Variants in SEC14L2 observed in about 807,000 individuals in gnomAD.
SEC14L2 encodes the protein SEC14 like lipid binding 2.
In SEC14L2, 50 loss-of-function variants were observed where a neutral mutation model predicts 56.9. That is an observed-to-expected ratio of 0.88 (90% CI 0.70 to 1.11). The LOEUF (loss-of-function observed/expected upper bound fraction) is 1.11. SEC14L2 is among the 50% of genes most tolerant of loss of function. The probability of loss-of-function intolerance (pLI) is 0.00; values close to 1 mark genes in which losing one functional copy is unlikely to be tolerated. For synonymous variants in SEC14L2, 179 were observed against 188.5 expected, an observed-to-expected ratio of 0.95 and a Z score of 0.41; for missense variants, 414 against 500.7, an observed-to-expected ratio of 0.83 and a Z score of 1.65.
intron 11 of SEC14L2, among the ~76,000 whole-genome samples, chr22:30,418,226 T>A (rs906931931): frequency 2.0e-5 from 3 of 152,090 alleles, no homozygotes; most frequent in African/African-American, 7.2e-5. Context: ...CCTTGAATTA[T>A]TTTTTTAATG....
In SEC14L2 at chr22:30,424,740, C is replaced by T. The variant is rs78503356; in HGVS notation, c.*2333C>T. The T allele has an allele frequency of 5.1e-3, 2,333 of 456,614 alleles. 46 individuals are homozygous for T. The highest frequency in any genetic ancestry group is 0.042 in the African/African-American group (2,090 of 50,138). The allele number at this position is 456,614 out of a possible 1,614,324, so 28.3% of individuals were successfully genotyped here. On this transcript the variant is annotated 3_prime_UTR_variant, in exon 12 of 12. Coordinates refer to ENST00000615189, the MANE Select transcript of SEC14L2 (RefSeq NM_012429.5). ...AGCTAGGATTTGAACCCAGGATTGT[C>T]TCCAACGCCGCTCAATTATACCCGC...
chr22:30,410,748 G>A (rs1934226556), intron 8 of SEC14L2, 69 bp downstream of exon 8: 2 of 1,450,502 alleles, frequency 1.4e-6, no homozygotes, highest in Non-Finnish European at 1.9e-6. Context: ...AGCTTTAGGG[G>A]TGTGGCCGTA....
intron 5 of SEC14L2, among the ~76,000 whole-genome samples, chr22:30,408,848 G>T (rs1253066842): frequency 1.3e-5 from 2 of 152,210 alleles, no homozygotes; most frequent in South Asian, 4.1e-4. Flanking sequence ...GTCTGTCCTC[G>T]GGCATAAGTG....
chr22:30,406,298 G>T, intron 2 of SEC14L2, 44 bp from the exon 3 acceptor site: 1 of 1,608,224 alleles, frequency 6.2e-7, no homozygotes, highest in African/African-American at 1.3e-5. Context: ...TGGACACCCA[G>T]TCCTGCTAAC....
At position 30,409,222 on chromosome 22, in the gene SEC14L2, T is replaced by A; in HGVS notation, c.459T>A (p.Tyr153Ter). ...AGGTGGAGACCATCACCATAATTTATGACTGCGAGGGGCTTGGCCTCAAGC... is the reference window on the plus strand; with the variant it reads ...AGGTGGAGACCATCACCATAATTTAAGACTGCGAGGGGCTTGGCCTCAAGC... ...GRKVETITII[Y>*]DCEGLGLKHL... Residue 153 changes from tyrosine to a stop codon, truncating the protein, a stop_gained, in exon 6 of 12, where the codon TAT (tyrosine) becomes TAA (stop). Transcript: ENST00000615189. LOFTEE classifies it high-confidence loss of function. The A allele has an allele frequency of 6.2e-7, 1 of 1,613,614 alleles. No individual in the cohort carries two copies. The highest frequency in any genetic ancestry group is 8.5e-7 in the Non-Finnish European group (1 of 1,179,924).
At chr22:30,404,717 A>G (rs1305913574) in intron 2 of SEC14L2, among the ~76,000 whole-genome samples, 3 of 152,100 alleles carry the variant, frequency 2.0e-5, no homozygotes, top group Non-Finnish European at 4.4e-5. Flanking sequence ...GGTGAAAAGG[A>G]TTTGGGGGGT....
chr22:30,416,758 G>T, intron 11 of SEC14L2: 1 of 1,285,912 alleles, frequency 7.8e-7, no homozygotes, highest in Non-Finnish European at 9.9e-7. Context: ...CACAGAGACA[G>T]AACTGGCTGG....
intron 11 of SEC14L2, among the ~76,000 whole-genome samples, chr22:30,418,679 T>C (rs1306763582): frequency 6.6e-6 from 1 of 152,210 alleles, no homozygotes; most frequent in Non-Finnish European, 1.5e-5. Context: ...ACAGGATCCA[T>C]TCCCCCTTCC....
At chr22:30,408,187 T>C (rs542786893) in intron 5 of SEC14L2, among the ~76,000 whole-genome samples, 26 of 152,260 alleles carry the variant, frequency 1.7e-4, no homozygotes, top group Admixed American at 1.7e-3. Flanking sequence ...ATTTTTCTGA[T>C]TTATATGGGG....
chr22:30,400,092 C>T (rs1041513318), intron 2 of SEC14L2, among the ~76,000 whole-genome samples: 4 of 152,240 alleles, frequency 2.6e-5, no homozygotes, highest in Non-Finnish European at 5.9e-5. Flanking sequence ...GGGTCGGAGG[C>T]AGAGCCAAGT....
chr22:30,398,492 G>C (rs1255533990), intron 1 of SEC14L2: 1 of 354,860 alleles, frequency 2.8e-6, no homozygotes, highest in Non-Finnish European at 5.6e-6. Flanking sequence ...AGGGCATATA[G>C]GGGCCTGTTC....
In SEC14L2 at chr22:30,416,743, GA is replaced by G. The variant is rs772388682; in HGVS notation, c.1081+341del. 2.3e-5 allele frequency: 30 copies of G among 1,319,378 alleles called. No homozygotes were observed. The East Asian group carries it at 6.3e-4, about 28-fold the overall frequency. 81.7% of individuals were successfully genotyped at this position (1,319,378 alleles called of 1,614,324 possible). A position where few individuals can be genotyped will look rare whatever the true frequency, so the allele number is the denominator to read the frequency against. ...TATTTCTTGGGGATGCTCCTTCCCA[GA>G]GGTCACAGAGACAGAACTGGCTGGG... On this transcript the variant is annotated intron_variant, in intron 11 of 11. Transcript: ENST00000615189.
rs1189869776 is a variant in SEC14L2 at position 30,415,790 on chromosome 22, C to G, written c.696C>G (p.Ile232Met). Residue 232 changes from isoleucine to methionine, a missense_variant, in exon 9 of 12, where the codon ATC (isoleucine) becomes ATG (methionine). Coordinates refer to ENST00000615189, the MANE Select transcript of SEC14L2 (RefSeq NM_012429.5). Reference sequence around the variant, plus strand: ...GGAAGGAGGTTTTACTGAAACATATCAGCCCTGACCAGGTGCCTGTGGAGT... The same window carrying G: ...GGAAGGAGGTTTTACTGAAACATATGAGCCCTGACCAGGTGCCTGTGGAGT... ...ANWKEVLLKH[I>M]SPDQVPVEYG... 6.2e-7 allele frequency: 1 copy of G among 1,614,142 alleles called. No homozygotes were observed. Among genetic ancestry groups the G allele is most frequent in the South Asian group, 1.1e-5 (1 of 91,078 alleles).
chr22:30,398,539 C>A, intron 1 of SEC14L2: 1 of 377,042 alleles, frequency 2.7e-6, no homozygotes, highest in Non-Finnish European at 5.5e-6. Context: ...GTAGGTGTGG[C>A]TGTCCATTGA....
chr22:30,416,888 G>A, intron 11 of SEC14L2: 2 of 1,004,570 alleles, frequency 2.0e-6, no homozygotes, highest in Non-Finnish European at 2.4e-6. Flanking sequence ...GTTTACACAA[G>A]AATATAAGAA....
rs1359901489 is a variant in SEC14L2 at position 30,399,685 on chromosome 22, C to G, written c.97C>G (p.Pro33Ala). The G allele has an allele frequency of 6.2e-7, 1 of 1,613,858 alleles. No homozygotes were observed. Among genetic ancestry groups the G allele is most frequent in the Non-Finnish European group, 8.5e-7 (1 of 1,179,976 alleles). ...VQDVLPALPN[P>A]DDYFLLRWLR... Reference sequence around the variant, plus strand: ...GGATGTGCTGCCGGCCCTGCCGAATCCAGATGACTATTTTCTCCTGCGTTG... The same window carrying G: ...GGATGTGCTGCCGGCCCTGCCGAATGCAGATGACTATTTTCTCCTGCGTTG... Residue 33 changes from proline to alanine, a missense_variant, in exon 2 of 12, where the codon CCA (proline) becomes GCA (alanine). Transcript: ENST00000615189.
At chr22:30,406,520 T>G (rs1934098251) in intron 3 of SEC14L2, 135 bp downstream of exon 3, 6 of 810,002 alleles carry the variant, frequency 7.4e-6, no homozygotes, top group African/African-American at 1.7e-5. Context: ...GCCTTATCCC[T>G]CTGGGACAAA....
chr22:30,414,977 G>A (rs943721155), intron 8 of SEC14L2, among the ~76,000 whole-genome samples: 1 of 152,166 alleles, frequency 6.6e-6, no homozygotes, highest in African/African-American at 2.4e-5. Context: ...AATCAGGACA[G>A]GGTATGTGCA....
intron 11 of SEC14L2, among the ~76,000 whole-genome samples, chr22:30,417,240 C>G (rs1453307838): frequency 1.3e-5 from 2 of 152,304 alleles, no homozygotes; most frequent in Admixed American, 6.5e-5. Flanking sequence ...CAGAAAAGAA[C>G]TCTGGGGAAA....
Sources: gnomAD v4.1 joint callset for allele counts (sites outside exome capture counted in the v4.1 genomes callset) on GRCh38, gnomAD v4.1.1 for gene constraint, MANE v1.5 for transcripts, NCBI Gene and HGNC (gene_info 2026-07-23, HGNC 2026-07-21) for gene names.